The following SNX29 variants were observed in gnomAD, a reference collection of about 807,000 sequenced individuals.
SNX29 encodes sorting nexin 29, also known as sorting nexin-29.
A neutral mutation model predicts 102.1 loss-of-function variants in SNX29; 78 were observed. The ratio of observed to expected loss-of-function variants is 0.76; its 90% CI spans 0.64 to 0.92. SNX29 has a LOEUF of 0.92. SNX29 is among the 40% of genes least tolerant of loss of function. The probability of loss-of-function intolerance (pLI) is 0.00; values close to 1 mark genes in which losing one functional copy is unlikely to be tolerated. For synonymous variants in SNX29, 580 were observed against 414.5 expected (o/e 1.40, Z -4.85); for missense variants, 1,280 against 1,061.7 (o/e 1.21, Z -2.86).
At chr16:12,453,210 C>T (rs1325895017) in intron 18 of SNX29, among the ~76,000 whole-genome samples, 2 of 152,190 alleles carry the variant, frequency 1.3e-5, no homozygotes, top group Non-Finnish European at 2.9e-5. Context: ...TGGCCCTATT[C>T]ACCTGTCCAT....
chr16:12,146,281 T>G (rs1017909322), intron 13 of SNX29, among the ~76,000 whole-genome samples: 2 of 152,166 alleles, frequency 1.3e-5, no homozygotes, highest in Non-Finnish European at 2.9e-5. Flanking sequence ...TTTTTTCTTT[T>G]TGAAGGCAGA....
chr16:12,061,734 G>T (rs887395455), intron 9 of SNX29, 88 bp downstream of exon 9: 7 of 1,216,556 alleles, frequency 5.8e-6, no homozygotes, highest in African/African-American at 1.5e-5. Context: ...GGACAGGTAG[G>T]AATGGGAGCC....
chr16:12,531,010 G>T (rs210723), intron 20 of SNX29, among the ~76,000 whole-genome samples: 2 of 152,196 alleles, frequency 1.3e-5, no homozygotes. Flanking sequence ...GGAACATCTC[G>T]ATGGATACAC....
At chr16:12,330,232 G>A (rs567241265) in intron 15 of SNX29, among the ~76,000 whole-genome samples, 23 of 152,238 alleles carry the variant, frequency 1.5e-4, no homozygotes, top group African/African-American at 3.9e-4. Context: ...TTGAGTAAAC[G>A]ACTTAACCTC....
chr16:12,504,996 C>T (rs1280790447), intron 19 of SNX29, among the ~76,000 whole-genome samples: 2 of 152,148 alleles, frequency 1.3e-5, no homozygotes, highest in Admixed American at 6.5e-5. Flanking sequence ...GAATCCTAGG[C>T]CGGGCACAGT....
intron 20 of SNX29, among the ~76,000 whole-genome samples, chr16:12,550,627 GAC>G (rs146817531): frequency 0.014 from 2,075 of 151,954 alleles, 54 homozygotes; most frequent in South Asian, 0.11. Context: ...CCTGTAGAAA[GAC>G]ACATTAAAAA....
chr16:12,087,698 A>G (rs1417648998), intron 11 of SNX29: 3 of 366,844 alleles, frequency 8.2e-6, no homozygotes, highest in African/African-American at 6.4e-5. Context: ...GCAACCCAGA[A>G]GGTACAGGCA....
At chr16:12,429,976 C>T (rs1333851346) in intron 18 of SNX29, among the ~76,000 whole-genome samples, 2 of 152,210 alleles carry the variant, frequency 1.3e-5, no homozygotes, top group African/African-American at 2.4e-5. Context: ...GGGCTGTTGC[C>T]TGTTAGGAAC....
intron 20 of SNX29, chr16:12,526,915 C>G (rs1006582094): frequency 5.1e-6 from 2 of 390,850 alleles, no homozygotes; most frequent in African/African-American, 2.0e-5. Context: ...TGGTTGCCAT[C>G]AGTCAGCACG....
At chr16:12,564,729 C>G (rs767371328) in intron 20 of SNX29, among the ~76,000 whole-genome samples, 2 of 152,012 alleles carry the variant, frequency 1.3e-5, no homozygotes, top group East Asian at 3.9e-4. Flanking sequence ...TATAAAAATG[C>G]AGTTGTGCCT....
At chr16:11,983,676 G>A in intron 1 of SNX29, 1 of 985,386 alleles carries the variant, frequency 1.0e-6, no homozygotes, top group Non-Finnish European at 1.2e-6. Flanking sequence ...TCCTACTGAT[G>A]TTGGCTATCT....
intron 18 of SNX29, among the ~76,000 whole-genome samples, chr16:12,463,521 T>C (rs1482329635): frequency 2.0e-5 from 3 of 152,200 alleles, no homozygotes; most frequent in South Asian, 2.1e-4. Context: ...ATGAGACTTA[T>C]TCACTAACAA....
chr16:12,196,426 A>G (rs917887562), intron 13 of SNX29, among the ~76,000 whole-genome samples: 2 of 152,086 alleles, frequency 1.3e-5, no homozygotes, highest in South Asian at 2.1e-4. Context: ...ATTGAAAAGC[A>G]TATTTCCCAC....
At chr16:12,048,739 T>C (rs2050189223) in intron 7 of SNX29, 119 bp downstream of exon 7, 1 of 1,537,812 alleles carries the variant, frequency 6.5e-7, no homozygotes, top group Non-Finnish European at 8.9e-7. Context: ...GCACTTGCGT[T>C]TTCCATTTGT....
intron 19 of SNX29, among the ~76,000 whole-genome samples, chr16:12,511,595 A>G (rs2089622138): frequency 6.6e-6 from 1 of 152,148 alleles, no homozygotes; most frequent in African/African-American, 2.4e-5. Flanking sequence ...CTGTGTTTGC[A>G]GTGAAGTTTT....
chr16:12,512,578 C>T (rs1045776192), intron 19 of SNX29, among the ~76,000 whole-genome samples: 1 of 151,290 alleles, frequency 6.6e-6, no homozygotes, highest in African/African-American at 2.4e-5. Context: ...CTTGACTGGC[C>T]CCTTCTCTTC....
intron 13 of SNX29, among the ~76,000 whole-genome samples, chr16:12,194,194 C>T (rs1051895800): frequency 1.3e-5 from 2 of 152,176 alleles, no homozygotes; most frequent in African/African-American, 2.4e-5. Flanking sequence ...GCATGCAGAT[C>T]CTGGACACAT....
At chr16:12,259,150 C>T (rs2078659294) in intron 14 of SNX29, among the ~76,000 whole-genome samples, 1 of 152,280 alleles carries the variant, frequency 6.6e-6, no homozygotes, top group Non-Finnish European at 1.5e-5. Flanking sequence ...CTAGGCTGTA[C>T]ATCATCTCCG....
chr16:12,095,285 T>G (rs192310810), intron 11 of SNX29: 29 of 152,308 alleles, frequency 1.9e-4, no homozygotes, highest in African/African-American at 6.5e-4. Flanking sequence ...AATATATGGT[T>G]ATTTGGGAGC....
Sources: allele counts gnomAD v4.1 joint callset (sites outside exome capture counted in the v4.1 genomes callset), GRCh38; gene constraint gnomAD v4.1.1; transcripts MANE v1.5; gene names NCBI Gene and HGNC (gene_info 2026-07-23, HGNC 2026-07-21).